The following FRAS1 variants were observed in gnomAD, a reference collection of about 807,000 sequenced individuals.
FRAS1 encodes the protein extracellular matrix organizing protein FRAS1.
Under a neutral mutation model 435.2 loss-of-function variants are expected in FRAS1, and 290 were observed. That is an observed-to-expected ratio of 0.67 (90% CI 0.61 to 0.73). FRAS1 has a LOEUF of 0.73. Among genes scored for constraint, FRAS1 ranks in the 30% least tolerant of loss-of-function variants. The probability of loss-of-function intolerance (pLI) is 0.00; values close to 1 mark genes in which losing one functional copy is unlikely to be tolerated. For synonymous variants in FRAS1, 1,800 were observed against 1,851.0 expected (o/e 0.97, Z 0.71); for missense variants, 4,860 against 5,001.5 (o/e 0.97, Z 0.85).
intron 28 of FRAS1, among the ~76,000 whole-genome samples, chr4:78,384,827 A>C (rs781255351): frequency 4.7e-5 from 7 of 148,398 alleles, no homozygotes; most frequent in Admixed American, 1.4e-4. Flanking sequence ...GGATCACCTG[A>C]GCTCAGGGAG....
intron 2 of FRAS1, among the ~76,000 whole-genome samples, chr4:78,233,455 T>C (rs1724599194): frequency 6.6e-6 from 1 of 152,338 alleles, no homozygotes; most frequent in Admixed American, 6.5e-5. Context: ...TTGTGTAGAC[T>C]GGAATGAGAA....
intron 41 of FRAS1, among the ~76,000 whole-genome samples, chr4:78,443,440 GC>G (rs1250841965): frequency 6.6e-6 from 1 of 152,202 alleles, no homozygotes; most frequent in Non-Finnish European, 1.5e-5. Context: ...AAAAGAACCA[GC>G]TTTTACTTTT....
rs373948610 is a variant in FRAS1, at chr4:78,429,159, G to A, written c.4776G>A (p.Gln1592=). The change falls in exon 36 of 74, where the codon CAG becomes CAA. Residue 1592 remains glutamine, a synonymous_variant. Coordinates refer to ENST00000512123, the MANE Select transcript of FRAS1 (RefSeq NM_025074.7). ...CCATTCACTTACTTCCCAGTGATCAGCAACTGCCAGTGTTCCAGGTCACAG... is the reference window on the plus strand; with the variant it reads ...CCATTCACTTACTTCCCAGTGATCAACAACTGCCAGTGTTCCAGGTCACAG... ...VLTIHLLPSD[Q]QLPVFQVTAP... is the part of the protein sequence containing the mutation. 8.1e-6 allele frequency: 13 copies of A among 1,595,186 alleles called. No individual in the cohort carries two copies. The highest frequency in any genetic ancestry group is 1.1e-5 in the South Asian group (1 of 87,132).
intron 2 of FRAS1, among the ~76,000 whole-genome samples, chr4:78,087,401 C>A (rs1215362534): frequency 1.3e-5 from 2 of 152,108 alleles, no homozygotes; most frequent in African/African-American, 2.4e-5. Flanking sequence ...TCCTATTCAA[C>A]ATAGTGTTGG....
chr4:78,169,670 T>C (rs922765989), intron 2 of FRAS1, among the ~76,000 whole-genome samples: 2 of 152,166 alleles, frequency 1.3e-5, no homozygotes, highest in Admixed American at 6.5e-5. Context: ...GAATGTTCTT[T>C]TGTGAAAATA....
intron 55 of FRAS1, 77 bp downstream of exon 55, chr4:78,478,138 T>C: frequency 7.0e-7 from 1 of 1,420,856 alleles, no homozygotes; most frequent in Non-Finnish European, 9.5e-7. Context: ...TGCTAAGCAC[T>C]CATCTCATGC....
chr4:78,178,077 C>T (rs1455735021), intron 2 of FRAS1, among the ~76,000 whole-genome samples: 1 of 152,200 alleles, frequency 6.6e-6, no homozygotes, highest in Non-Finnish European at 1.5e-5. Flanking sequence ...TCCTTCCTCG[C>T]CTCTTCCAGC....
At chr4:78,271,229 A>G (rs1467463625) in intron 9 of FRAS1, among the ~76,000 whole-genome samples, 1 of 152,194 alleles carries the variant, frequency 6.6e-6, no homozygotes, top group African/African-American at 2.4e-5. Flanking sequence ...TAAATATAAT[A>G]CAGGCCCCAA....
In FRAS1 at chr4:78,148,156, G is replaced by A. The variant is rs952864955; in HGVS notation, c.108+82140G>A. On this transcript the variant is annotated intron_variant, in intron 2 of 73. Transcript: ENST00000512123. The stretch of plus-strand genomic sequence containing the variant: ...GATTGTTGATTTTTTTTTTAGAGGA[G>A]TAGAGAAATGACTAATTTTTTCATT... 2.6e-5 allele frequency among the ~76,000 whole-genome samples: 4 copies of A among 152,012 alleles called. No individual in the cohort carries two copies. The South Asian group carries it at 8.3e-4, about 31-fold the overall frequency.
intron 35 of FRAS1, among the ~76,000 whole-genome samples, chr4:78,424,766 A>T (rs1280743724): frequency 6.6e-6 from 1 of 150,970 alleles, no homozygotes; most frequent in Non-Finnish European, 1.5e-5. Flanking sequence ...ACAATGCAAG[A>T]CCTTGTCTAT....
chr4:78,111,608 C>G (rs373047679), intron 2 of FRAS1, among the ~76,000 whole-genome samples: 7 of 97,130 alleles, frequency 7.2e-5, no homozygotes, highest in Non-Finnish European at 1.4e-4. Flanking sequence ...GTGGTGGGGT[C>G]GGGGGAGGGG....
chr4:78,299,425 TGGTGTCG>T (rs1728288031), intron 14 of FRAS1, among the ~76,000 whole-genome samples: 1 of 152,156 alleles, frequency 6.6e-6, no homozygotes, highest in African/African-American at 2.4e-5. Flanking sequence ...TTGTGGAGCA[TGGTGTCG>T]GGTGGAGATT....
chr4:78,319,346 A>G (rs554776143), intron 18 of FRAS1: 1 of 462,482 alleles, frequency 2.2e-6, no homozygotes, highest in East Asian at 6.8e-5. Context: ...CTGAATATGA[A>G]TTGGTCCCTT....
chr4:78,500,804 C>G (rs1720653373), intron 61 of FRAS1, among the ~76,000 whole-genome samples: 1 of 152,134 alleles, frequency 6.6e-6, no homozygotes, highest in African/African-American at 2.4e-5. Flanking sequence ...TTCCATATCT[C>G]AAGATGGAAC....
intron 70 of FRAS1, among the ~76,000 whole-genome samples, chr4:78,533,488 G>A (rs190368883): frequency 7.4e-4 from 112 of 152,276 alleles, no homozygotes; most frequent in Admixed American, 5.0e-3. Flanking sequence ...GAGCTTTACC[G>A]GTCATGGCAA....
chr4:78,491,588 G>C (rs538300443), intron 59 of FRAS1, among the ~76,000 whole-genome samples: 1 of 152,146 alleles, frequency 6.6e-6, no homozygotes, highest in South Asian at 2.1e-4. Flanking sequence ...AAAGGCCTTC[G>C]ACAAACTTTA....
intron 2 of FRAS1, among the ~76,000 whole-genome samples, chr4:78,169,740 C>T (rs543441265): frequency 6.7e-6 from 1 of 150,158 alleles, no homozygotes; most frequent in African/African-American, 2.5e-5. Context: ...GTTATATTAG[C>T]GTCAAATGTT....
intron 18 of FRAS1, among the ~76,000 whole-genome samples, chr4:78,319,195 A>G (rs1729400181): frequency 6.6e-6 from 1 of 152,216 alleles, no homozygotes; most frequent in Admixed American, 6.5e-5. Context: ...TTAAAGAGCT[A>G]ATCCCTTCCA....
intron 47 of FRAS1, among the ~76,000 whole-genome samples, chr4:78,453,924 T>G (rs1329379931): frequency 6.6e-6 from 1 of 152,208 alleles, no homozygotes; most frequent in Non-Finnish European, 1.5e-5. Flanking sequence ...TCTTCATTAA[T>G]TCAACCAGGC....
Sources: gnomAD v4.1 joint callset for allele counts (sites outside exome capture counted in the v4.1 genomes callset) on GRCh38, gnomAD v4.1.1 for gene constraint, MANE v1.5 for transcripts, NCBI Gene and HGNC (gene_info 2026-07-23, HGNC 2026-07-21) for gene names.